FGD4: variants seen among roughly 807,000 people sequenced by gnomAD.
The protein encoded by FGD4 is FYVE, RhoGEF and PH domain containing 4, also known as FYVE, RhoGEF and PH domain-containing protein 4.
In FGD4, 42 loss-of-function variants were observed where a neutral mutation model predicts 102.0. The observed-to-expected ratio is 0.41, with a 90% CI of 0.32 to 0.53. The LOEUF (loss-of-function observed/expected upper bound fraction) is 0.53. Ranked by LOEUF, FGD4 falls within the 20% of genes least tolerant of loss-of-function variation. The probability of loss-of-function intolerance (pLI) is 0.21; values close to 1 mark genes in which losing one functional copy is unlikely to be tolerated. For missense variants in FGD4, 902 were observed against 1,078.2 expected, an observed-to-expected ratio of 0.84 and a Z score of 2.29; for synonymous variants, 380 against 375.7, an observed-to-expected ratio of 1.01 and a Z score of -0.13.
Position 32,443,431 on chromosome 12 carries a change from G to C in FGD4, c.166+43472G>C, listed in dbSNP as rs149401213. Among the ~76,000 whole-genome samples, 6 of 152,092 alleles carry C rather than the reference G, an allele frequency of 3.9e-5. No homozygotes were observed. The East Asian group carries it at 1.2e-3, about 29-fold the overall frequency. On this transcript the variant is annotated intron_variant, in intron 1 of 16. Transcript: ENST00000534526. ...AGTGGTGCAATCATAGCTCACTGTA[G>C]CCTTGACCTCCTGGGCTCAAGCAGT...
At chr12:32,493,429 G>C (rs1189507677) in intron 1 of FGD4, among the ~76,000 whole-genome samples, 1 of 152,098 alleles carries the variant, frequency 6.6e-6, no homozygotes, top group African/African-American at 2.4e-5. Flanking sequence ...GATGAGCCAG[G>C]GTCATTAGTC....
intron 1 of FGD4, among the ~76,000 whole-genome samples, chr12:32,416,285 C>T (rs1281858767): frequency 5.9e-5 from 9 of 152,146 alleles, no homozygotes; most frequent in Non-Finnish European, 8.8e-5. Flanking sequence ...CAGGTGTGAG[C>T]GACTGTACCT....
chr12:32,614,956 T>C (rs1450973389), intron 10 of FGD4, among the ~76,000 whole-genome samples: 1 of 152,246 alleles, frequency 6.6e-6, no homozygotes, highest in African/African-American at 2.4e-5. Flanking sequence ...TATGACCCAC[T>C]AGTTCTACTC....
intron 1 of FGD4, among the ~76,000 whole-genome samples, chr12:32,551,807 T>C (rs1943692479): frequency 2.0e-5 from 3 of 152,318 alleles, no homozygotes; most frequent in South Asian, 4.1e-4. Context: ...TTCTTCATGA[T>C]GTATTCACTG....
At chr12:32,502,039 G>C in intron 1 of FGD4, 5 of 985,486 alleles carry the variant, frequency 5.1e-6, no homozygotes, top group Non-Finnish European at 6.0e-6. Context: ...GGATTTGCAA[G>C]GCTGGAGCAC....
At chr12:32,635,154 C>T (rs1444123082) in intron 15 of FGD4, among the ~76,000 whole-genome samples, 2 of 152,158 alleles carry the variant, frequency 1.3e-5, no homozygotes, top group Non-Finnish European at 2.9e-5. Context: ...GCCCCACACA[C>T]TAAAATCATT....
intron 1 of FGD4, among the ~76,000 whole-genome samples, chr12:32,519,909 T>C (rs1396697147): frequency 6.6e-6 from 1 of 152,210 alleles, no homozygotes; most frequent in Non-Finnish European, 1.5e-5. Context: ...ATCATGCCAC[T>C]GCACTCCAGT....
At chr12:32,577,890 G>A (rs1055730447) in intron 3 of FGD4, among the ~76,000 whole-genome samples, 3 of 152,126 alleles carry the variant, frequency 2.0e-5, no homozygotes, top group African/African-American at 7.2e-5. Flanking sequence ...GCATGTCAGA[G>A]CCTGCATCCC....
At chr12:32,572,956 A>T (rs968973937) in intron 2 of FGD4, among the ~76,000 whole-genome samples, 5 of 152,228 alleles carry the variant, frequency 3.3e-5, no homozygotes, top group African/African-American at 1.2e-4. Context: ...GTTGCCCAGA[A>T]GCTAAGAAAG....
intron 15 of FGD4, among the ~76,000 whole-genome samples, chr12:32,634,738 C>A (rs533072120): frequency 6.6e-6 from 1 of 152,262 alleles, no homozygotes; most frequent in Non-Finnish European, 1.5e-5. Flanking sequence ...TGCCTGTAAT[C>A]CCAGCACTTT....
At chr12:32,601,201 C>A in intron 5 of FGD4, 77 bp from the exon 6 acceptor site, 1 of 1,467,756 alleles carries the variant, frequency 6.8e-7, no homozygotes, top group Non-Finnish European at 9.4e-7. Context: ...TTACTAAGAG[C>A]CCACTATGTG....
chr12:32,530,498 G>C (rs1941688711), intron 1 of FGD4, among the ~76,000 whole-genome samples: 1 of 152,096 alleles, frequency 6.6e-6, no homozygotes, highest in South Asian at 2.1e-4. Context: ...AATATCACGT[G>C]AATGTTTGGC....
At position 32,498,844 on chromosome 12, in the gene FGD4, G is replaced by A. The variant is rs113303813; in HGVS notation, c.167-65293G>A. On this transcript the variant is annotated intron_variant, in intron 1 of 16. Coordinates refer to ENST00000534526, the MANE Select transcript of FGD4 (RefSeq NM_001370298.3). The stretch of plus-strand genomic sequence containing the variant: ...TCTCGAACTCCTGACCTCGTGATCC[G>A]CCTGCCTTGGCCTCCCAAAGTGCTG... 5.9e-5 allele frequency among the ~76,000 whole-genome samples: 9 copies of A among 152,232 alleles called. No homozygotes were observed. In the East Asian group the frequency reaches 1.4e-3, roughly 23 times the overall value.
At chr12:32,622,151 C>A (rs1398829635) in intron 11 of FGD4, among the ~76,000 whole-genome samples, 1 of 152,204 alleles carries the variant, frequency 6.6e-6, no homozygotes, top group Non-Finnish European at 1.5e-5. Context: ...TTCCAAAGTG[C>A]TGGGATTACA....
rs939714870 is a variant in FGD4 at position 32,604,140 on chromosome 12, T to A, written c.1404+1823T>A. On this transcript the variant is annotated intron_variant, in intron 7 of 16. Coordinates refer to ENST00000534526, the MANE Select transcript of FGD4 (RefSeq NM_001370298.3). The stretch of plus-strand genomic sequence containing the variant: ...TTGCTGCTTTCAAGATGTTCTCTGT[T>A]TTTTGGCTTTCAGCAGTTTAAATAT... 3.9e-5 allele frequency among the ~76,000 whole-genome samples: 6 copies of A among 152,246 alleles called. 1 individual carries two copies. Among genetic ancestry groups the A allele is most frequent in the Middle Eastern group, 6.3e-3 (2 of 316 alleles).
At chr12:32,479,722 A>G (rs1420033156) in intron 1 of FGD4, among the ~76,000 whole-genome samples, 1 of 150,606 alleles carries the variant, frequency 6.6e-6, no homozygotes, top group Non-Finnish European at 1.5e-5. Flanking sequence ...ATTTAACAGA[A>G]TTTATTTTTT....
intron 1 of FGD4, among the ~76,000 whole-genome samples, chr12:32,513,996 T>C (rs1939644173): frequency 6.6e-6 from 1 of 152,146 alleles, no homozygotes; most frequent in Non-Finnish European, 1.5e-5. Flanking sequence ...AGTGTAACAA[T>C]AAAAAGAAAA....
At chr12:32,532,894 A>G (rs1416882534) in intron 1 of FGD4, among the ~76,000 whole-genome samples, 1 of 152,186 alleles carries the variant, frequency 6.6e-6, no homozygotes, top group African/African-American at 2.4e-5. Context: ...TTATTTATTT[A>G]TGCCTTATAT....
chr12:32,522,575 C>G (rs1447686330), intron 1 of FGD4, among the ~76,000 whole-genome samples: 1 of 152,178 alleles, frequency 6.6e-6, no homozygotes, highest in Non-Finnish European at 1.5e-5. Context: ...AGGGGCAGAA[C>G]TAACGTTTTA....
Sources: gnomAD v4.1 joint callset for allele counts (sites outside exome capture counted in the v4.1 genomes callset) on GRCh38, gnomAD v4.1.1 for gene constraint, MANE v1.5 for transcripts, NCBI Gene and HGNC (gene_info 2026-07-23, HGNC 2026-07-21) for gene names.